The following ARSJ variants were observed in gnomAD, a reference collection of about 807,000 sequenced individuals.
The protein encoded by ARSJ is arylsulfatase J.
In ARSJ, 26 loss-of-function variants were observed where a neutral mutation model predicts 35.9. The observed-to-expected ratio is 0.72, with a 90% CI of 0.53 to 1.00. The LOEUF is 1.00. Ranked by LOEUF, ARSJ falls within the 50% of genes least tolerant of loss-of-function variation. The pLI is 0.00. For synonymous variants in ARSJ, 294 were observed against 267.6 expected (o/e 1.10, Z -0.96); for missense variants, 667 against 723.6 (o/e 0.92, Z 0.90).
chr4:113,927,474 T>G (rs1485002948), intron 1 of ARSJ, among the ~76,000 whole-genome samples: 1 of 152,188 alleles, frequency 6.6e-6, no homozygotes, highest in Non-Finnish European at 1.5e-5. Context: ...TCTCTCTGAA[T>G]AAGATTATCA....
intron 1 of ARSJ, among the ~76,000 whole-genome samples, chr4:113,942,889 T>C (rs529156248): frequency 1.7e-4 from 26 of 152,128 alleles, no homozygotes; most frequent in African/African-American, 5.8e-4. Flanking sequence ...AGAAAATATT[T>C]TGCCTTATGA....
At chr4:113,934,281 T>G (rs1429565571) in intron 1 of ARSJ, among the ~76,000 whole-genome samples, 2 of 151,792 alleles carry the variant, frequency 1.3e-5, no homozygotes, top group Non-Finnish European at 2.9e-5. Flanking sequence ...TGAAGATACA[T>G]CTGCACTCCC....
chr4:113,938,967 T>A (rs1243169109), intron 1 of ARSJ, among the ~76,000 whole-genome samples: 1 of 151,792 alleles, frequency 6.6e-6, no homozygotes, highest in Admixed American at 6.6e-5. Context: ...AATGTGCAGG[T>A]TAGTTGCATA....
intron 1 of ARSJ, among the ~76,000 whole-genome samples, chr4:113,958,285 G>A (rs944512673): frequency 2.6e-5 from 4 of 152,010 alleles, no homozygotes; most frequent in Non-Finnish European, 5.9e-5. Context: ...CTTATTAAAT[G>A]TTGCTGTACA....
chr4:113,942,063 G>T (rs575075754), intron 1 of ARSJ, among the ~76,000 whole-genome samples: 83 of 152,002 alleles, frequency 5.5e-4, no homozygotes, highest in African/African-American at 1.9e-3. Flanking sequence ...CCAGTTACAA[G>T]GAATCTTGTT....
chr4:113,978,605 T>C lies in ARSJ; in HGVS notation c.230A>G (p.His77Arg). The C allele has an allele frequency of 6.2e-7, 1 of 1,614,216 alleles. No homozygotes were observed. Among genetic ancestry groups the C allele is most frequent in the African/African-American group, 1.3e-5 (1 of 75,068 alleles). ...EPSTTSTSQP[H>R]LIFILADDQG... is the part of the protein sequence containing the mutation. The stretch of plus-strand genomic sequence containing the variant: ...ATCATCCGCTAGGATGAAAATGAGA[T>C]GGGGCTGGGAGGTGGAAGTTGTGCT... Residue 77 changes from histidine to arginine, a missense_variant, in exon 1 of 2, where the codon CAT becomes CGT. Coordinates refer to ENST00000315366, the MANE Select transcript of ARSJ (RefSeq NM_024590.4).
chr4:113,942,778 C>T (rs974924118), intron 1 of ARSJ, among the ~76,000 whole-genome samples: 4 of 152,014 alleles, frequency 2.6e-5, no homozygotes, highest in African/African-American at 9.7e-5. Flanking sequence ...AGAAAATTTA[C>T]CACGTTTCTT....
intron 1 of ARSJ, among the ~76,000 whole-genome samples, chr4:113,968,553 A>G (rs1249688672): frequency 6.6e-6 from 1 of 152,194 alleles, no homozygotes; most frequent in East Asian, 1.9e-4. Context: ...TGAATGAAGA[A>G]CACTCTACCA....
In ARSJ at chr4:113,979,104, GAA is replaced by G; in HGVS notation, c.-272_-271del. 3.5e-6 allele frequency: 1 copy of G among 285,064 alleles called. No individual in the cohort carries two copies. The highest frequency in any genetic ancestry group is 6.6e-6 in the Non-Finnish European group (1 of 151,576). 17.7% of individuals were successfully genotyped at this position (285,064 alleles called of 1,614,324 possible). ...CCTCCCTAGAGCAGCTTCCACCAAG[GAA>G]AAAAAAAAGAAAAAAGTTAATATCT... On this transcript the variant is annotated 5_prime_UTR_variant, in exon 1 of 2. Transcript: ENST00000315366.
intron 1 of ARSJ, among the ~76,000 whole-genome samples, chr4:113,916,201 A>T (rs1012553576): frequency 1.2e-4 from 18 of 152,194 alleles, no homozygotes; most frequent in Admixed American, 6.6e-4. Context: ...ACTTGACATC[A>T]TAGGAATTTC....
chr4:113,914,561 G>A (rs1723166617), intron 1 of ARSJ, among the ~76,000 whole-genome samples: 1 of 152,110 alleles, frequency 6.6e-6, no homozygotes, highest in African/African-American at 2.4e-5. Context: ...TCAAATAACT[G>A]AGTGTCTTTG....
intron 1 of ARSJ, among the ~76,000 whole-genome samples, chr4:113,936,069 A>G (rs1054288884): frequency 1.3e-5 from 2 of 151,992 alleles, no homozygotes; most frequent in African/African-American, 4.8e-5. Flanking sequence ...CTTGCCCCTC[A>G]TTTGCTGCCC....
chr4:113,974,235 T>C (rs562762143), intron 1 of ARSJ, among the ~76,000 whole-genome samples: 4 of 151,932 alleles, frequency 2.6e-5, no homozygotes, highest in African/African-American at 7.2e-5. Flanking sequence ...ATCTCTTAAA[T>C]AGGACATAAA....
chr4:113,955,210 T>C (rs555232548), intron 1 of ARSJ, among the ~76,000 whole-genome samples: 2 of 152,122 alleles, frequency 1.3e-5, no homozygotes, highest in South Asian at 2.1e-4. Context: ...AGAGTTTCCA[T>C]AGATCCAATG....
chr4:113,937,090 T>C lies in ARSJ; in HGVS notation c.399-33415A>G, dbSNP rs183893583. ...ATAACTGTGTTCACTCAATAAGTAA[T>C]ATTCACTGATTATGAATATATTCTG... On this transcript the variant is annotated intron_variant, in intron 1 of 1. Transcript: ENST00000315366. 9.3e-4 allele frequency among the ~76,000 whole-genome samples: 142 copies of C among 152,098 alleles called. 2 individuals are homozygous for C. The highest frequency in any genetic ancestry group is 1.9e-3 in the Non-Finnish European group (129 of 67,920).
chr4:113,905,131 G>C (rs2099668324), intron 1 of ARSJ, among the ~76,000 whole-genome samples: 1 of 151,836 alleles, frequency 6.6e-6, no homozygotes, highest in South Asian at 2.1e-4. Context: ...TTTTCACTTG[G>C]GCCATGATAT....
At chr4:113,968,716 C>A (rs1727048598) in intron 1 of ARSJ, among the ~76,000 whole-genome samples, 1 of 152,136 alleles carries the variant, frequency 6.6e-6, no homozygotes, top group Non-Finnish European at 1.5e-5. Flanking sequence ...ATTTTGAAGG[C>A]CCTTATATGG....
Position 113,971,430 on chromosome 4 carries a change from C to CT in ARSJ, c.398+7006dup, listed in dbSNP as rs1262474880. 7.9e-5 allele frequency among the ~76,000 whole-genome samples: 12 copies of CT among 152,214 alleles called. No individual in the cohort carries two copies. The East Asian group carries it at 2.3e-3, about 29-fold the overall frequency. ...TCTAAATAGGAATTCACTTCAATGG[C>CT]TTTTTTTAAAGACTCTTTAAAATTA... is the stretch of plus-strand genomic sequence containing the variant. On this transcript the variant is annotated intron_variant, in intron 1 of 1. Transcript: ENST00000315366.
rs1051217328 is a variant in ARSJ, at chr4:113,901,044, A to G, written c.*1230T>C. 9.2e-5 allele frequency: 14 copies of G among 151,918 alleles called. No individual in the cohort carries two copies. The highest frequency in any genetic ancestry group is 2.7e-4 in the African/African-American group (11 of 41,188). The allele number at this position is 151,918 out of a possible 1,614,324, so 9.4% of individuals were successfully genotyped here. A position where few individuals can be genotyped will look rare whatever the true frequency, so the allele number is the denominator to read the frequency against. ...ATGTCATAGCCAAGGGGAAGCATCT[A>G]TCTGTAAAATCATATTATATTACTG... On this transcript the variant is annotated 3_prime_UTR_variant, in exon 2 of 2. Coordinates refer to ENST00000315366, the MANE Select transcript of ARSJ (RefSeq NM_024590.4).
Sources: gnomAD v4.1 joint callset for allele counts (sites outside exome capture counted in the v4.1 genomes callset) on GRCh38, gnomAD v4.1.1 for gene constraint, MANE v1.5 for transcripts, NCBI Gene and HGNC (gene_info 2026-07-23, HGNC 2026-07-21) for gene names.